Variants in APOBEC3C observed in about 807,000 individuals in gnomAD.
APOBEC3C encodes DNA dC->dU-editing enzyme APOBEC-3C.
In APOBEC3C, 14 loss-of-function variants were observed where a neutral mutation model predicts 20.6. The observed-to-expected ratio is 0.68, with a 90% CI of 0.45 to 1.06. APOBEC3C has a LOEUF of 1.06. Among genes scored for constraint, APOBEC3C ranks in the 50% least tolerant of loss-of-function variants. The probability of loss-of-function intolerance (pLI) is 0.00; values close to 1 mark genes in which losing one functional copy is unlikely to be tolerated. For missense variants in APOBEC3C, 244 were observed against 241.9 expected, an observed-to-expected ratio of 1.01 and a Z score of -0.06; for synonymous variants, 98 against 88.8, an observed-to-expected ratio of 1.10 and a Z score of -0.58.
At position 39,015,744 on chromosome 22, in the gene APOBEC3C, G is replaced by A. The variant is rs919511151; in HGVS notation, c.167G>A (p.Arg56Gln). Residue 56 changes from arginine to glutamine, a missense_variant, in exon 2 of 4, where the codon CGA (arginine) becomes CAA (glutamine). Physicochemically the swap from Arg to Gln is conservative, Grantham distance 43 (BLOSUM62 1). Transcript: ENST00000361441. ...GTCTCCTGGAAGACGGGCGTCTTCC[G>A]AAACCAGGTAGCACCAAAGTCCTAG... is the stretch of plus-strand genomic sequence containing the variant. ...SVVSWKTGVF[R>Q]NQVDSETHCH... 6 of 1,613,424 alleles carry A rather than the reference G, an allele frequency of 3.7e-6. No homozygotes were observed. The highest frequency in any genetic ancestry group is 1.3e-5 in the African/African-American group (1 of 74,838).
At chr22:39,016,971 T>C (rs1224396672) in intron 2 of APOBEC3C, among the ~76,000 whole-genome samples, 2 of 152,218 alleles carry the variant, frequency 1.3e-5, no homozygotes, top group Non-Finnish European at 2.9e-5. Flanking sequence ...CGGTGGCTCA[T>C]GCCTGTAATC....
chr22:39,018,951 C>G lies in APOBEC3C; in HGVS notation c.*564C>G, dbSNP rs1320724148. 6.6e-6 allele frequency: 1 copy of G among 152,218 alleles called. No homozygotes were observed. The highest frequency in any genetic ancestry group is 1.5e-5 in the Non-Finnish European group (1 of 68,278). The allele number at this position is 152,218 out of a possible 1,614,324, so 9.4% of individuals were successfully genotyped here. On this transcript the variant is annotated 3_prime_UTR_variant, in exon 4 of 4. Coordinates refer to ENST00000361441, the MANE Select transcript of APOBEC3C (RefSeq NM_014508.3). ...AGGCTGGAGTGAACAGAGATCGCGC[C>G]ACTGAACTCGGGTCTGGGCAACAGA...
chr22:39,018,203 G>A (rs902325517), intron 3 of APOBEC3C, 66 bp from the exon 4 acceptor site: 54 of 1,578,280 alleles, frequency 3.4e-5, no homozygotes, highest in Middle Eastern at 1.8e-4. Context: ...GGGCTGGGAG[G>A]GGAGGGCCCA....
Position 39,016,715 on chromosome 22 carries a change from G to A in APOBEC3C, c.174+964G>A, listed in dbSNP as rs142779826. On this transcript the variant is annotated intron_variant, in intron 2 of 3. Transcript: ENST00000361441. The stretch of plus-strand genomic sequence containing the variant: ...AATCAGCAGCTGTGGGAAGCGGGGG[G>A]TGTTGTGTCCAGCGCTGTGTCTGGG... 6.9e-3 allele frequency among the ~76,000 whole-genome samples: 1,051 copies of A among 152,320 alleles called. 11 individuals carry two copies. The highest frequency in any genetic ancestry group is 0.023 in the African/African-American group (975 of 41,574).
rs934013025 is a variant in APOBEC3C, at chr22:39,020,217, A to C, written c.*1830A>C. The C allele has an allele frequency of 3.3e-5, 5 of 152,208 alleles. No homozygotes were observed. The highest frequency in any genetic ancestry group is 7.3e-5 in the Non-Finnish European group (5 of 68,048). The allele number at this position is 152,208 out of a possible 1,614,324, so 9.4% of individuals were successfully genotyped here. On this transcript the variant is annotated 3_prime_UTR_variant, in exon 4 of 4. Coordinates refer to ENST00000361441, the MANE Select transcript of APOBEC3C (RefSeq NM_014508.3). Reference sequence around the variant, plus strand: ...TGTTTAGCCAACCTCTTCAGCATAAAGCTCCTGCCCAAACCCCTCCTGCTC... The same window carrying C: ...TGTTTAGCCAACCTCTTCAGCATAACGCTCCTGCCCAAACCCCTCCTGCTC...
rs531167782 is a variant in APOBEC3C at position 39,015,293 on chromosome 22, TAA to T, written c.18-285_18-284del. On this transcript the variant is annotated intron_variant, in intron 1 of 3. Transcript: ENST00000361441. Reference sequence around the variant, plus strand: ...GGGGGACAGAGCGAGATGCCGTCTTTAAAAAAAAAAAAAAAAAAGTAGCAGAA... The same window carrying T: ...GGGGGACAGAGCGAGATGCCGTCTTTAAAAAAAAAAAAAAAAGTAGCAGAA... Among the ~76,000 whole-genome samples the T allele has an allele frequency of 5.3e-3, 704 of 131,818 alleles. 5 individuals are homozygous for T. Among genetic ancestry groups the T allele is most frequent in the African/African-American group, 0.017 (621 of 36,436 alleles). The allele number at this position is 131,818 out of a possible 152,430, so 86.5% of individuals were successfully genotyped here. A position where few individuals can be genotyped will look rare whatever the true frequency, so the allele number is the denominator to read the frequency against.
rs1924794582 is a variant in APOBEC3C at position 39,016,617 on chromosome 22, C to A, written c.174+866C>A. Among the ~76,000 whole-genome samples, 3 of 152,046 alleles carry A rather than the reference C, an allele frequency of 2.0e-5. No individual in the cohort carries two copies. In the South Asian group the frequency reaches 6.2e-4, roughly 31 times the overall value. On this transcript the variant is annotated intron_variant, in intron 2 of 3. Coordinates refer to ENST00000361441, the MANE Select transcript of APOBEC3C (RefSeq NM_014508.3). ...CTTCCTCCCAAAAGGCCTTGTTTAG[C>A]GCCCAGCACCCTCACTCTTGACTTT...
Position 39,017,992 on chromosome 22 carries a change from G to C in APOBEC3C, c.401G>C (p.Gly134Ala). ...TTCCAGTATCCATGTTACCAGGAGG[G>C]GCTCCGCAGCCTGAGTCAGGAAGGG... is the stretch of plus-strand genomic sequence containing the variant. ...YYFQYPCYQEGLRSLSQEGVA... is the reference protein window; with the variant it reads ...YYFQYPCYQEALRSLSQEGVA... Residue 134 changes from glycine to alanine, a missense_variant, in exon 3 of 4, where the codon GGG (glycine) becomes GCG (alanine). Gly to Ala is a moderately conservative substitution (Grantham distance 60). Coordinates refer to ENST00000361441, the MANE Select transcript of APOBEC3C (RefSeq NM_014508.3). 5 of 1,614,186 alleles carry C rather than the reference G, an allele frequency of 3.1e-6. No individual in the cohort carries two copies. The highest frequency in any genetic ancestry group is 4.2e-6 in the Non-Finnish European group (5 of 1,180,042).
At chr22:39,017,719 C>G (rs1288448451) in intron 2 of APOBEC3C, 47 bp from the exon 3 acceptor site, 2 of 1,590,062 alleles carry the variant, frequency 1.3e-6, no homozygotes, top group East Asian at 2.2e-5. Context: ...TGCACTCCTC[C>G]TGCTCCTGGT....
intron 1 of APOBEC3C, 33 bp downstream of exon 1, chr22:39,014,412 C>T (rs375723768): frequency 6.4e-5 from 103 of 1,613,710 alleles, no homozygotes; most frequent in Middle Eastern, 5.2e-4. Flanking sequence ...CCAGGCCCCT[C>T]CTGCCACTTC....
chr22:39,017,487 A>G (rs1924827985), intron 2 of APOBEC3C, among the ~76,000 whole-genome samples: 1 of 151,966 alleles, frequency 6.6e-6, no homozygotes, highest in Non-Finnish European at 1.5e-5. Context: ...AAATTATTTA[A>G]AAAATTAGGC....
rs375936649 is a variant in APOBEC3C, at chr22:39,014,515, C to G, written c.17+136C>G. On this transcript the variant is annotated intron_variant, in intron 1 of 3. Transcript: ENST00000361441. ...TCCCCCCTGGTTCCCCCGCTGCCCC[C>G]ACTCCCAGCCAAGCTCCTTGCCCTG... 2.9e-4 allele frequency: 311 copies of G among 1,074,044 alleles called. 1 individual carries two copies. In the South Asian group the frequency reaches 4.2e-3, roughly 14 times the overall value. The allele number at this position is 1,074,044 out of a possible 1,614,324, so 66.5% of individuals were successfully genotyped here. A position where few individuals can be genotyped will look rare whatever the true frequency, so the allele number is the denominator to read the frequency against.
chr22:39,018,150 GGGAC>G (rs1924868916), intron 3 of APOBEC3C, 105 bp downstream of exon 3: 55 of 1,574,444 alleles, frequency 3.5e-5, no homozygotes, highest in Non-Finnish European at 4.5e-5. Context: ...GGTGTCTGTG[GGGAC>G]CGGGCCAGCG....
chr22:39,018,490 T>G lies in APOBEC3C; in HGVS notation c.*103T>G. ...CCGCTCTGTTTCTGCCTGGTCATCC[T>G]GAGCCCCTCCTGGCCTCAGGGCCAT... On this transcript the variant is annotated 3_prime_UTR_variant, in exon 4 of 4. Coordinates refer to ENST00000361441, the MANE Select transcript of APOBEC3C (RefSeq NM_014508.3). The G allele has an allele frequency of 7.1e-7, 1 of 1,399,440 alleles. No homozygotes were observed. The highest frequency in any genetic ancestry group is 9.8e-7 in the Non-Finnish European group (1 of 1,023,234). 86.7% of individuals were successfully genotyped at this position (1,399,440 alleles called of 1,614,324 possible). A position where few individuals can be genotyped will look rare whatever the true frequency, so the allele number is the denominator to read the frequency against.
chr22:39,018,378 T>C lies in APOBEC3C; in HGVS notation c.564T>C (p.Ser188=). The change falls in exon 4 of 4, where the codon AGT becomes AGC. Residue 188 remains serine, a synonymous_variant. Coordinates refer to ENST00000361441, the MANE Select transcript of APOBEC3C (RefSeq NM_014508.3). ...TTCTGAAAAGAAGGCTACGGGAGAG[T>C]CTCCAGTGAGGGGTCTCCCTGGGCC... ...FRLLKRRLRE[S]LQ is the part of the protein sequence containing the mutation. 6.2e-7 allele frequency: 1 copy of C among 1,613,478 alleles called. No individual in the cohort carries two copies. Among genetic ancestry groups the C allele is most frequent in the South Asian group, 1.1e-5 (1 of 91,054 alleles).
intron 3 of APOBEC3C, 108 bp downstream of exon 3, chr22:39,018,153 A>T (rs939816693): frequency 6.4e-7 from 1 of 1,572,326 alleles, no homozygotes; most frequent in African/African-American, 1.4e-5. Flanking sequence ...GTCTGTGGGG[A>T]CCGGGCCAGC....
chr22:39,017,944 T>C lies in APOBEC3C; in HGVS notation c.353T>C (p.Ile118Thr), dbSNP rs1405981653. 2.5e-6 allele frequency: 4 copies of C among 1,614,176 alleles called. No individual in the cohort carries two copies. Among genetic ancestry groups the C allele is most frequent in the South Asian group, 2.2e-5 (2 of 91,084 alleles). Residue 118 changes from isoleucine to threonine, a missense_variant, in exon 3 of 4, where the codon ATC becomes ACC. Transcript: ENST00000361441. ...LARHSNVNLT[I>T]FTARLYYFQY... ...AGGCACAGCAACGTGAATCTCACCA[T>C]CTTCACCGCCCGCCTCTACTACTTC...
At chr22:39,016,382 T>TG (rs1924786148) in intron 2 of APOBEC3C, among the ~76,000 whole-genome samples, 2 of 16,678 alleles carry the variant, frequency 1.2e-4, no homozygotes, top group Non-Finnish European at 2.4e-4. Flanking sequence ...TCTTTTTTTC[T>TG]TTTTTTTTTT....
chr22:39,016,193 A>ATTTATTTATTTATTTATTTC (rs1924776178), intron 2 of APOBEC3C, among the ~76,000 whole-genome samples: 1 of 142,384 alleles, frequency 7.0e-6, no homozygotes. Flanking sequence ...TCCCCACATT[A>ATTTATTTATTTATTTATTTC]TTTATTTATT....
Sources: gnomAD v4.1 joint callset for allele counts (sites outside exome capture counted in the v4.1 genomes callset) on GRCh38, gnomAD v4.1.1 for gene constraint, MANE v1.5 for transcripts, NCBI Gene and HGNC (gene_info 2026-07-23, HGNC 2026-07-21) for gene names.